The following PLEKHG5 variants were observed in gnomAD, a reference collection of about 807,000 sequenced individuals.
PLEKHG5 encodes pleckstrin homology domain-containing family G member 5.
In PLEKHG5, 52 loss-of-function variants were observed where a neutral mutation model predicts 103.8. The observed-to-expected ratio is 0.50, with a 90% CI of 0.40 to 0.63. The LOEUF is 0.63. Among genes scored for constraint, PLEKHG5 ranks in the 30% least tolerant of loss-of-function variants. The pLI is 0.00. For missense variants in PLEKHG5, 1,205 were observed against 1,347.6 expected (o/e 0.89, Z 1.66); for synonymous variants, 592 against 575.5 (o/e 1.03, Z -0.41).
chr1:6,481,399 C>T (rs965214551), intron 1 of PLEKHG5, among the ~76,000 whole-genome samples: 7 of 151,872 alleles, frequency 4.6e-5, no homozygotes, highest in African/African-American at 1.5e-4. Flanking sequence ...GGCATGGTGG[C>T]GCATGCCTGT....
chr1:6,485,323 C>T lies in PLEKHG5; in HGVS notation c.-88+6314G>A, dbSNP rs973989870. On this transcript the variant is annotated intron_variant, in intron 1 of 20. Coordinates refer to ENST00000377728, the MANE Select transcript of PLEKHG5 (RefSeq NM_020631.6). ...GTTCCCGCCCCGTCCCGGCCCCGTA[C>T]CTGGCTATCACCGTCGCGGGCACGA... 16 of 1,420,230 alleles carry T rather than the reference C, an allele frequency of 1.1e-5. No individual in the cohort carries two copies. The African/African-American group carries it at 2.4e-4, about 21-fold the overall frequency. The allele number at this position is 1,420,230 out of a possible 1,614,324, so 88.0% of individuals were successfully genotyped here.
At chr1:6,520,065 G>A (rs1031898251), upstream of PLEKHG5, 5 of 183,562 alleles carry the variant, frequency 2.7e-5, no homozygotes, top group Non-Finnish European at 2.3e-5. Flanking sequence ...GATCAAGTGA[G>A]CCTCAAAACA....
intron 12 of PLEKHG5, 106 bp from the exon 13 acceptor site, chr1:6,471,206 C>T: frequency 1.1e-6 from 1 of 938,378 alleles, no homozygotes; most frequent in East Asian, 2.6e-5. Context: ...TGGGCGACCA[C>T]CCCAAGGGGG....
At chr1:6,503,205 C>T (rs770045363) in intron 1 of PLEKHG5, among the ~76,000 whole-genome samples, 31 of 152,080 alleles carry the variant, frequency 2.0e-4, no homozygotes, top group Non-Finnish European at 4.0e-4. Context: ...CATTTTAGTC[C>T]AGATGCTCAA....
chr1:6,519,560 C>A (rs1638718560), exon 1 of PLEKHG5: 2 of 1,381,020 alleles, frequency 1.4e-6, no homozygotes, highest in East Asian at 2.3e-5. Flanking sequence ...CAGCCACATG[C>A]CAATGCCACA....
Position 6,469,222 on chromosome 1 carries a change from C to T in PLEKHG5, c.2069G>A (p.Arg690His), listed in dbSNP as rs149410913. 4.3e-6 allele frequency: 7 copies of T among 1,613,246 alleles called. No individual in the cohort carries two copies. The highest frequency in any genetic ancestry group is 2.7e-5 in the African/African-American group (2 of 74,588). Residue 690 changes from arginine (R) to histidine (H), a missense_variant, in exon 19 of 21, where the codon CGT becomes CAT. Transcript: ENST00000377728. ...CTGACTGCCTGGGGGCTCCTGTGCACGCAGCTGTTGCAGCTGGTTCTGCAG... is the reference window on the plus strand; with the variant it reads ...CTGACTGCCTGGGGGCTCCTGTGCATGCAGCTGTTGCAGCTGGTTCTGCAG... ...YNAQNQLQQL[R>H]AQEPPGSQQP...
chr1:6,502,454 G>A (rs879488484), intron 1 of PLEKHG5, among the ~76,000 whole-genome samples: 5 of 152,186 alleles, frequency 3.3e-5, no homozygotes, highest in African/African-American at 4.8e-5. Flanking sequence ...CACACTGCTC[G>A]AGCTCAGTAA....
At chr1:6,500,466 C>G (rs560143542), upstream of PLEKHG5, among the ~76,000 whole-genome samples, 121 of 152,158 alleles carry the variant, frequency 8.0e-4, 2 homozygotes, top group South Asian at 0.024. Context: ...CCAGCCTAAG[C>G]GGTGTCTGCT....
chr1:6,472,679 G>A, intron 9 of PLEKHG5, 57 bp from the exon 10 acceptor site: 1 of 1,269,992 alleles, frequency 7.9e-7, no homozygotes, highest in African/African-American at 1.5e-5. Flanking sequence ...AGGGTGGCCG[G>A]GGAGGATAAG....
chr1:6,513,626 C>T (rs1638535707), intron 1 of PLEKHG5, among the ~76,000 whole-genome samples: 1 of 152,242 alleles, frequency 6.6e-6, no homozygotes, highest in South Asian at 2.1e-4. Flanking sequence ...CTGGGGCCCT[C>T]TCGAGGGCCA....
At chr1:6,509,178 G>A (rs532662055) in intron 1 of PLEKHG5, among the ~76,000 whole-genome samples, 27 of 152,340 alleles carry the variant, frequency 1.8e-4, no homozygotes, top group African/African-American at 3.6e-4. Context: ...GTGCCCTCAC[G>A]CGGGCTGCCC....
At chr1:6,483,483 G>A (rs1644950102) in intron 1 of PLEKHG5, among the ~76,000 whole-genome samples, 4 of 152,202 alleles carry the variant, frequency 2.6e-5, no homozygotes, top group African/African-American at 9.7e-5. Flanking sequence ...GGGCCACACA[G>A]TGAGATCCTG....
At chr1:6,485,231 G>A in intron 1 of PLEKHG5, 1 of 855,438 alleles carries the variant, frequency 1.2e-6, no homozygotes, top group South Asian at 4.1e-5. Flanking sequence ...CATAGTCACG[G>A]GCACCCCCTC....
At chr1:6,519,962 C>G (rs1174693532) in exon 1 of PLEKHG5, 1 of 248,712 alleles carries the variant, frequency 4.0e-6, no homozygotes, top group Non-Finnish European at 7.9e-6. Flanking sequence ...CAGCAGCCAG[C>G]AGCAGCCCCT....
At chr1:6,467,789 T>C in intron 20 of PLEKHG5, 36 bp downstream of exon 20, 1 of 1,610,370 alleles carries the variant, frequency 6.2e-7, no homozygotes, top group Non-Finnish European at 8.5e-7. Flanking sequence ...GCCAGTGCCC[T>C]GAGCCACCTG....
At chr1:6,494,118 ATTTTTTTTTTTTTTTTTTT>A (rs36105555), upstream of PLEKHG5, among the ~76,000 whole-genome samples, 1 of 75,722 alleles carries the variant, frequency 1.3e-5, no homozygotes, top group Non-Finnish European at 2.2e-5. Context: ...CACCTGGCTA[ATTTTTTTTTTTTTTTTTTT>A]TTTTTTTTTT....
At position 6,471,496 on chromosome 1, in the gene PLEKHG5, A is replaced by G; in HGVS notation, c.1273T>C (p.Phe425Leu). 1 of 1,610,584 alleles carries G rather than the reference A, an allele frequency of 6.2e-7. No individual in the cohort carries two copies. Among genetic ancestry groups the G allele is most frequent in the African/African-American group, 1.3e-5 (1 of 74,974 alleles). The change falls in exon 12 of 21, where the codon TTC (phenylalanine) becomes CTC (leucine). Residue 425 changes from phenylalanine to leucine, a missense_variant. Physicochemically the swap from Phe to Leu is conservative, Grantham distance 22. Coordinates refer to ENST00000377728, the MANE Select transcript of PLEKHG5 (RefSeq NM_020631.6). ...LLQPGDFLKGFKMFGSLFKPY... is the reference protein window; with the variant it reads ...LLQPGDFLKGLKMFGSLFKPY... Reference sequence around the variant, plus strand: ...CCCGGCCCCGCCCGTACCATCTTGAAGCCTTTGAGGAAGTCCCCGGGCTGT... The same window carrying G: ...CCCGGCCCCGCCCGTACCATCTTGAGGCCTTTGAGGAAGTCCCCGGGCTGT...
intron 1 of PLEKHG5, among the ~76,000 whole-genome samples, chr1:6,515,463 G>C (rs553633361): frequency 2.4e-4 from 37 of 152,228 alleles, no homozygotes; most frequent in Non-Finnish European, 5.0e-4. Context: ...GGAGGTGGGG[G>C]TTGTAGTGAG....
rs1403052480 is a variant in PLEKHG5, at chr1:6,505,986, GC to G, written c.-164-9418del. On this transcript the variant is annotated intron_variant, in intron 1 of 21. Coordinates refer to the PLEKHG5 transcript ENST00000377740. The surrounding 1 kb of genome is among the most constrained non-coding windows in gnomAD (Gnocchi z 4.2). ...CTGGCTGGGCAGGCCCGGTGCCAGA[GC>G]CTGCTGAAAGTCCTCCCGGGAGGTG... 2 of 152,602 alleles carry G rather than the reference GC, an allele frequency of 1.3e-5. No individual in the cohort carries two copies. The highest frequency in any genetic ancestry group is 1.5e-5 in the Non-Finnish European group (1 of 68,078). 9.5% of individuals were successfully genotyped at this position (152,602 alleles called of 1,614,324 possible). A position where few individuals can be genotyped will look rare whatever the true frequency, so the allele number is the denominator to read the frequency against.
Sources: gnomAD v4.1 joint callset for allele counts (sites outside exome capture counted in the v4.1 genomes callset) on GRCh38, gnomAD v4.1.1 for gene constraint, Gnocchi (gnomAD v3.1) non-coding constraint, MANE v1.5 for transcripts, NCBI Gene and HGNC (gene_info 2026-07-23, HGNC 2026-07-21) for gene names.